TMCO5A: variants seen among roughly 807,000 people sequenced by gnomAD.
The protein encoded by TMCO5A is transmembrane and coiled-coil domains 5A.
Under a neutral mutation model 42.3 loss-of-function variants are expected in TMCO5A, and 34 were observed. That is an observed-to-expected ratio of 0.80 (90% CI 0.61 to 1.07). The LOEUF is 1.07. TMCO5A is among the 50% of genes least tolerant of loss of function. The pLI, the probability that TMCO5A is intolerant of heterozygous loss-of-function variation, is 0.00. For missense variants in TMCO5A, 357 were observed against 327.9 expected (o/e 1.09, Z -0.69); for synonymous variants, 131 against 115.6 (o/e 1.13, Z -0.86).
chr15:37,944,913 G>T (rs979880711), intron 10 of TMCO5A, among the ~76,000 whole-genome samples: 2 of 152,026 alleles, frequency 1.3e-5, no homozygotes, highest in African/African-American at 2.4e-5. Context: ...GGATGTGCAG[G>T]TTTGTTACAT....
Position 37,942,172 on chromosome 15 carries a change from TCTTTGTTTCTCTTTGAAGA to T in TMCO5A, c.505-18_505del. 6.2e-7 allele frequency: 1 copy of T among 1,610,818 alleles called. No individual in the cohort carries two copies. Among genetic ancestry groups the T allele is most frequent in the Non-Finnish European group, 8.5e-7 (1 of 1,178,298 alleles). ...ACCTTCTAAGTAGTAACTGTGGCTT[TCTTTGTTTCTCTTTGAAGA>T]AGTACCAGGAAACGTTGAAGAAAAT... is the stretch of plus-strand genomic sequence containing the variant. On this transcript the variant is annotated splice_acceptor_variant and splice_polypyrimidine_tract_variant and coding_sequence_variant and intron_variant, in exon 9 of 12. Transcript: ENST00000319669. LOFTEE classifies it high-confidence loss of function.
intron 10 of TMCO5A, among the ~76,000 whole-genome samples, chr15:37,947,161 T>C (rs1337821773): frequency 1.3e-5 from 2 of 152,276 alleles, no homozygotes; most frequent in East Asian, 3.9e-4. Flanking sequence ...TATTTATTGA[T>C]TTGTGTATGT....
At chr15:37,964,951 G>C (rs1273757143) in intron 11 of TMCO5A, among the ~76,000 whole-genome samples, 1 of 152,036 alleles carries the variant, frequency 6.6e-6, no homozygotes, top group Non-Finnish European at 1.5e-5. Flanking sequence ...ACCCAGAATA[G>C]CCAAAACTAT....
At chr15:38,008,025 T>A in the TMCO5A span, among the ~76,000 whole-genome samples, 11 of 151,518 alleles carry the variant, frequency 7.3e-5, no homozygotes, top group South Asian at 2.1e-4. Flanking sequence ...CCTCCCGGGT[T>A]GCTGGGACTA....
At chr15:37,963,803 A>G (rs1186166538) in intron 11 of TMCO5A, among the ~76,000 whole-genome samples, 1 of 152,126 alleles carries the variant, frequency 6.6e-6, no homozygotes, top group African/African-American at 2.4e-5. Context: ...CCATTATACA[A>G]TGTCCCTCTT....
the TMCO5A span, among the ~76,000 whole-genome samples, chr15:38,025,917 C>A: frequency 2.0e-5 from 3 of 152,216 alleles, no homozygotes; most frequent in Non-Finnish European, 4.4e-5. Flanking sequence ...GCATCTTTCT[C>A]ATTTTCTCTT....
intron 11 of TMCO5A, among the ~76,000 whole-genome samples, chr15:37,959,742 G>A (rs1890375439): frequency 6.6e-6 from 1 of 151,906 alleles, no homozygotes; most frequent in African/African-American, 2.4e-5. Flanking sequence ...ACTGAATAAG[G>A]AAAAACTGAA....
rs756633826 is a variant in TMCO5A, at chr15:37,936,953, G to A, written c.247G>A (p.Glu83Lys). The A allele has an allele frequency of 5.0e-6, 8 of 1,612,298 alleles. No homozygotes were observed. The highest frequency in any genetic ancestry group is 6.8e-6 in the Non-Finnish European group (8 of 1,178,950). ...GGAAAGAGCCTTGCAGGAGCTGGAGGAAGAAACAGCCAGACTTGTAAGCAA... is the reference window on the plus strand; with the variant it reads ...GGAAAGAGCCTTGCAGGAGCTGGAGAAAGAAACAGCCAGACTTGTAAGCAA... The part of the protein sequence containing the change: ...ERERALQELE[E>K]ETARLERKNK... The change falls in exon 4 of 12, where the codon GAA (glutamate) becomes AAA (lysine). Residue 83 changes from glutamate to lysine, a missense_variant. Physicochemically the swap from Glu to Lys is moderately conservative, Grantham distance 56 (BLOSUM62 1). Transcript: ENST00000319669.
chr15:37,957,606 G>A (rs183338690), intron 11 of TMCO5A, among the ~76,000 whole-genome samples: 9,432 of 152,206 alleles, frequency 0.062, 393 homozygotes, highest in Admixed American at 0.14. Context: ...CAAACAAATG[G>A]AAAAACATTC....
At chr15:37,960,216 A>T (rs770048426) in intron 11 of TMCO5A, among the ~76,000 whole-genome samples, 1 of 151,608 alleles carries the variant, frequency 6.6e-6, no homozygotes, top group East Asian at 1.9e-4. Flanking sequence ...CCCAAAGTCC[A>T]TTGTATCATT....
the TMCO5A span, among the ~76,000 whole-genome samples, chr15:37,974,869 G>A: frequency 5.3e-5 from 8 of 152,116 alleles, no homozygotes; most frequent in African/African-American, 1.9e-4. Context: ...TATTTGATGT[G>A]GGCATTTAAT....
At chr15:37,950,923 G>A in intron 11 of TMCO5A, 113 bp from the exon 12 acceptor site, 2 of 878,216 alleles carry the variant, frequency 2.3e-6, no homozygotes, top group Non-Finnish European at 3.6e-6. Flanking sequence ...GAAAGGGGGT[G>A]ATAATCCATT....
At chr15:37,999,049 G>A in the TMCO5A span, among the ~76,000 whole-genome samples, 1 of 152,128 alleles carries the variant, frequency 6.6e-6, no homozygotes, top group Non-Finnish European at 1.5e-5. Flanking sequence ...TGGAATTACA[G>A]GCATGCGCCA....
At chr15:37,947,785 G>GCTCT in intron 11 of TMCO5A, 89 bp downstream of exon 11, 5 of 834,482 alleles carry the variant, frequency 6.0e-6, no homozygotes, top group East Asian at 2.5e-5. Context: ...GACAAGGAGA[G>GCTCT]CCTTGTATAT....
In TMCO5A at chr15:37,947,641, C is replaced by T; in HGVS notation, c.628-15C>T. On this transcript the variant is annotated splice_polypyrimidine_tract_variant and intron_variant, in intron 10 of 11. Coordinates refer to ENST00000319669, the MANE Select transcript of TMCO5A (RefSeq NM_152453.4). ...CCAGAAATTGCTTATTTATCAATAT[C>T]CTTTCTTCTTCCAGGGTACTCCTAC... is the stretch of plus-strand genomic sequence containing the variant. The T allele has an allele frequency of 1.3e-6, 2 of 1,574,158 alleles. No individual in the cohort carries two copies. The highest frequency in any genetic ancestry group is 1.7e-6 in the Non-Finnish European group (2 of 1,150,892).
chr15:37,943,870 T>G (rs756193013), intron 10 of TMCO5A: 69 of 155,376 alleles, frequency 4.4e-4, no homozygotes, highest in Non-Finnish European at 8.9e-4. Context: ...ATTGCTTCTT[T>G]GTGACAGAGT....
chr15:38,011,196 G>A, the TMCO5A span, among the ~76,000 whole-genome samples: 5 of 152,274 alleles, frequency 3.3e-5, no homozygotes, highest in African/African-American at 7.2e-5. Flanking sequence ...TCAAGATATC[G>A]GCAGAGGCTG....
chr15:38,018,106 G>T, the TMCO5A span, among the ~76,000 whole-genome samples: 1 of 152,200 alleles, frequency 6.6e-6, no homozygotes, highest in Non-Finnish European at 1.5e-5. Context: ...TTATAGCAGT[G>T]CGAAAATGGA....
chr15:38,012,377 G>A, the TMCO5A span, among the ~76,000 whole-genome samples: 2,204 of 152,056 alleles, frequency 0.014, 55 homozygotes, highest in African/African-American at 0.051. Context: ...AAATATTATC[G>A]ATTTTTTGAG....
Sources: gnomAD v4.1 joint callset for allele counts (sites outside exome capture counted in the v4.1 genomes callset) on GRCh38, gnomAD v4.1.1 for gene constraint, MANE v1.5 for transcripts, NCBI Gene and HGNC (gene_info 2026-07-23, HGNC 2026-07-21) for gene names.